The following KLC4 variants were observed in gnomAD, a reference collection of about 807,000 sequenced individuals.
KLC4 encodes the protein kinesin-like protein 8.
Under a neutral mutation model 77.2 loss-of-function variants are expected in KLC4, and 49 were observed. The ratio of observed to expected loss-of-function variants is 0.63; its 90% confidence interval spans 0.50 to 0.80. KLC4 has a LOEUF of 0.80. Ranked by LOEUF, KLC4 falls within the 30% of genes least tolerant of loss-of-function variation. KLC4 has a pLI of 0.00. For synonymous variants in KLC4, 274 were observed against 314.5 expected (o/e 0.87, Z 1.36); for missense variants, 669 against 793.5 (o/e 0.84, Z 1.89).
intron 12 of KLC4, 163 bp from the exon 13 acceptor site, chr6:43,072,661 T>C: frequency 1.6e-6 from 1 of 642,516 alleles, no homozygotes; most frequent in Non-Finnish European, 2.7e-6. Flanking sequence ...TATATAGCAA[T>C]GCATTGCAAA....
rs1765669524 is a variant in KLC4, at chr6:43,070,620, A to G, written c.982-72A>G. Reference sequence around the variant, plus strand: ...CTGCTTTCCACATGTGTGTGCCTACATGCAAACACACGTGTGCTTGTGCAC... The same window carrying G: ...CTGCTTTCCACATGTGTGTGCCTACGTGCAAACACACGTGTGCTTGTGCAC... On this transcript the variant is annotated intron_variant, in intron 7 of 15. Transcript: ENST00000347162. 2.6e-6 allele frequency: 4 copies of G among 1,525,604 alleles called. No individual in the cohort carries two copies. In the African/African-American group the frequency reaches 5.5e-5, roughly 21 times the overall value. The allele number at this position is 1,525,604 out of a possible 1,614,324, so 94.5% of individuals were successfully genotyped here.
chr6:43,070,642 G>GC (rs750209740), intron 7 of KLC4, 50 bp from the exon 8 acceptor site: 3 of 1,574,144 alleles, frequency 1.9e-6, no homozygotes, highest in Non-Finnish European at 8.7e-7. Flanking sequence ...GTGTGCTTGT[G>GC]CACACACATG....
intron 6 of KLC4, among the ~76,000 whole-genome samples, chr6:43,068,106 C>G (rs1313367887): frequency 4.9e-5 from 3 of 60,694 alleles, no homozygotes; most frequent in Non-Finnish European, 7.9e-5. Context: ...AGCGAGACTC[C>G]GTCTCAAAAA....
At position 43,074,767 on chromosome 6, in the gene KLC4, G is replaced by T; in HGVS notation, c.*95G>T. On this transcript the variant is annotated 3_prime_UTR_variant, in exon 16 of 16. Transcript: ENST00000347162. ...CCTGGCTCTTCCCCACCCCTAGGTG[G>T]GACAGTGAAGGGGAGCAGTTTAACC... is the stretch of plus-strand genomic sequence containing the variant. The T allele has an allele frequency of 1.0e-6, 1 of 1,003,402 alleles. No homozygotes were observed. The highest frequency in any genetic ancestry group is 1.6e-6 in the Non-Finnish European group (1 of 628,738). 62.2% of individuals were successfully genotyped at this position (1,003,402 alleles called of 1,614,324 possible). A position where few individuals can be genotyped will look rare whatever the true frequency, so the allele number is the denominator to read the frequency against.
Position 43,074,723 on chromosome 6 carries a change from C to T in KLC4, c.*51C>T. On this transcript the variant is annotated 3_prime_UTR_variant, in exon 16 of 16. Coordinates refer to ENST00000347162, the MANE Select transcript of KLC4 (RefSeq NM_201521.3). ...TGGGTCCCCCCACCCCCACAGCCCT[C>T]ACAGCATTCCCCATTGCTCCTGGCT... 6.8e-7 allele frequency: 1 copy of T among 1,471,386 alleles called. No individual in the cohort carries two copies. The highest frequency in any genetic ancestry group is 9.5e-7 in the Non-Finnish European group (1 of 1,049,592). The allele number at this position is 1,471,386 out of a possible 1,614,324, so 91.1% of individuals were successfully genotyped here.
intron 1 of KLC4, chr6:43,060,136 C>T: frequency 3.1e-6 from 5 of 1,594,806 alleles, no homozygotes; most frequent in Non-Finnish European, 4.3e-6. Context: ...CCTGCATCAT[C>T]GGGCATTGTG....
In KLC4 at chr6:43,070,698, G is replaced by A; in HGVS notation, c.988G>A (p.Gly330Ser). ...RALEIREKVLGTNHPDVAKQL... is the reference protein window; with the variant it reads ...RALEIREKVLSTNHPDVAKQL... ...CTCCTTTGTTCCCTTTCAGGTCCTG[G>A]GCACGAATCATCCAGATGTGGCAAA... is the stretch of plus-strand genomic sequence containing the variant. Residue 330 changes from glycine to serine, a missense_variant, in exon 8 of 16, where the codon GGC becomes AGC. Physicochemically the swap from Gly to Ser is moderately conservative, Grantham distance 56. Transcript: ENST00000347162. 6.2e-7 allele frequency: 1 copy of A among 1,611,878 alleles called. No homozygotes were observed. Among genetic ancestry groups the A allele is most frequent in the East Asian group, 2.2e-5 (1 of 44,760 alleles).
chr6:43,060,468 G>A, intron 1 of KLC4: 1 of 1,388,760 alleles, frequency 7.2e-7, no homozygotes, highest in Non-Finnish European at 9.4e-7. Context: ...GGGTAGCTGT[G>A]AAGTGGTGAA....
chr6:43,059,969 C>G lies in KLC4; in HGVS notation c.-26+284C>G, dbSNP rs1450390179. 2.2e-6 allele frequency: 3 copies of G among 1,347,284 alleles called. No individual in the cohort carries two copies. In the South Asian group the frequency reaches 4.7e-5, roughly 21 times the overall value. The allele number at this position is 1,347,284 out of a possible 1,614,324, so 83.5% of individuals were successfully genotyped here. A position where few individuals can be genotyped will look rare whatever the true frequency, so the allele number is the denominator to read the frequency against. Reference sequence around the variant, plus strand: ...CTCAGTCGTCCATCCACACCTCCCCCCTGCCGCCCCCGCCCATCTCACTCT... The same window carrying G: ...CTCAGTCGTCCATCCACACCTCCCCGCTGCCGCCCCCGCCCATCTCACTCT... On this transcript the variant is annotated intron_variant, in intron 1 of 15. Transcript: ENST00000347162.
In KLC4 at chr6:43,071,577, G is replaced by C. The variant is rs550778480; in HGVS notation, c.1266G>C (p.Lys422Asn). The C allele has an allele frequency of 6.2e-7, 1 of 1,613,636 alleles. No homozygotes were observed. The highest frequency in any genetic ancestry group is 1.7e-5 in the Admixed American group (1 of 59,994). The change falls in exon 10 of 16, where the codon AAG becomes AAC. Residue 422 changes from lysine (K) to asparagine (N), a missense_variant. Coordinates refer to ENST00000347162, the MANE Select transcript of KLC4 (RefSeq NM_201521.3). Reference sequence around the variant, plus strand: ...ATGTATCACCCCTAGATGACCACAAGCCCATCTGGATGCATGCAGAGGAGC... The same window carrying C: ...ATGTATCACCCCTAGATGACCACAACCCCATCTGGATGCATGCAGAGGAGC... ...QEFGSVDDDH[K>N]PIWMHAEERE...
intron 2 of KLC4, chr6:43,062,623 G>A (rs1382627606): frequency 6.7e-6 from 3 of 447,550 alleles, no homozygotes; most frequent in Admixed American, 7.2e-5. Context: ...GGCATCATCA[G>A]GTTGTTGGGT....
rs1447650752 is a variant in KLC4, at chr6:43,073,970, G to A, written c.1809+5G>A. ...CCTAGTGCAGCACCCCTCCAGGTGAGAGCAGTGCTTGTGAGCATATTGGTG... is the reference window on the plus strand; with the variant it reads ...CCTAGTGCAGCACCCCTCCAGGTGAAAGCAGTGCTTGTGAGCATATTGGTG... On this transcript the variant is annotated splice_donor_5th_base_variant and intron_variant, in intron 15 of 15. Transcript: ENST00000347162. 6.2e-7 allele frequency: 1 copy of A among 1,604,722 alleles called. No homozygotes were observed. Among genetic ancestry groups the A allele is most frequent in the Non-Finnish European group, 8.5e-7 (1 of 1,175,402 alleles).
intron 1 of KLC4, chr6:43,060,555 T>C (rs1765093019): frequency 3.2e-6 from 4 of 1,244,784 alleles, no homozygotes; most frequent in Middle Eastern, 3.4e-4. Flanking sequence ...GAACAGTTTC[T>C]TCCGTGCTCT....
rs114646323 is a variant in KLC4, at chr6:43,059,732, A to G, written c.-26+47A>G. ...GGGGCTGAAGGTTAAGGTCTCTGCCATCTCTTATTCTCGCACTACCAGAAA... is the reference window on the plus strand; with the variant it reads ...GGGGCTGAAGGTTAAGGTCTCTGCCGTCTCTTATTCTCGCACTACCAGAAA... On this transcript the variant is annotated intron_variant, in intron 1 of 15. Transcript: ENST00000347162. 8.2e-4 allele frequency: 1,026 copies of G among 1,247,760 alleles called. 6 individuals are homozygous for G. In the African/African-American group the frequency reaches 0.015, roughly 18 times the overall value. 77.3% of individuals were successfully genotyped at this position (1,247,760 alleles called of 1,614,324 possible). A position where few individuals can be genotyped will look rare whatever the true frequency, so the allele number is the denominator to read the frequency against.
Position 43,067,841 on chromosome 6 carries a change from G to C in KLC4, c.879+758G>C, listed in dbSNP as rs1765518279. On this transcript the variant is annotated intron_variant, in intron 6 of 15. Transcript: ENST00000347162. ...AAATATAGGTGGACAGGCCGGGCGC[G>C]GTGGCTCACGCCTGTAATCCCAGCA... Among the ~76,000 whole-genome samples, 2 of 120,992 alleles carry C rather than the reference G, an allele frequency of 1.7e-5. 1 individual carries two copies. Among genetic ancestry groups the C allele is most frequent in the Admixed American group, 1.6e-4 (2 of 12,402 alleles). The allele number at this position is 120,992 out of a possible 152,430, so 79.4% of individuals were successfully genotyped here. A position where few individuals can be genotyped will look rare whatever the true frequency, so the allele number is the denominator to read the frequency against.
At position 43,063,053 on chromosome 6, in the gene KLC4, G is replaced by T. The variant is rs143372223; in HGVS notation, c.395G>T (p.Arg132Leu). The T allele has an allele frequency of 7.4e-6, 12 of 1,614,120 alleles. No individual in the cohort carries two copies. The South Asian group carries it at 9.9e-5, about 13-fold the overall frequency. Residue 132 changes from arginine to leucine, a missense_variant, in exon 3 of 16, where the codon CGC becomes CTC. Transcript: ENST00000347162. ...ELAGTQQRLQ[R>L]SEQAVAQLEE... ...GCTGGCACCCAGCAGCGGCTACAGC[G>T]CAGTGAACAGGCTGTGGCTCAGCTG...
At chr6:43,069,840 G>A (rs754931267) in intron 6 of KLC4, among the ~76,000 whole-genome samples, 14 of 152,180 alleles carry the variant, frequency 9.2e-5, no homozygotes, top group African/African-American at 2.7e-4. Flanking sequence ...GAGCCACTGC[G>A]TCCAGCCAAA....
chr6:43,068,512 G>A lies in KLC4; in HGVS notation c.879+1429G>A, dbSNP rs1001765872. The stretch of plus-strand genomic sequence containing the variant: ...TAAATGACAGACCAGATTTATTTGT[G>A]TATAAGAGGAAGAGACTGGGCTTGG... On this transcript the variant is annotated intron_variant, in intron 6 of 15. Coordinates refer to ENST00000347162, the MANE Select transcript of KLC4 (RefSeq NM_201521.3). Among the ~76,000 whole-genome samples the A allele has an allele frequency of 3.4e-5, 5 of 149,132 alleles. No homozygotes were observed. In the South Asian group the frequency reaches 1.1e-3, roughly 32 times the overall value.
At chr6:43,060,501 T>A (rs141370146) in intron 1 of KLC4, 7 of 1,332,980 alleles carry the variant, frequency 5.3e-6, no homozygotes, top group Non-Finnish European at 6.8e-6. Context: ...AACGCTGGAC[T>A]TCTGGACTTT....
Sources: allele counts gnomAD v4.1 joint callset (sites outside exome capture counted in the v4.1 genomes callset), GRCh38; gene constraint gnomAD v4.1.1; transcripts MANE v1.5; gene names NCBI Gene and HGNC (gene_info 2026-07-23, HGNC 2026-07-21).